Variants in AP2B1 observed in about 807,000 individuals in gnomAD.
AP2B1 encodes AP-2 complex subunit beta.
A neutral mutation model predicts 102.0 loss-of-function variants in AP2B1; 23 were observed. The observed-to-expected ratio is 0.23, with a 90% CI of 0.16 to 0.32. The LOEUF (loss-of-function observed/expected upper bound fraction) is 0.32. Ranked by LOEUF, AP2B1 falls within the 10% of genes least tolerant of loss-of-function variation. AP2B1 has a pLI of 1.00. For missense variants in AP2B1, 541 were observed against 1,157.4 expected, an observed-to-expected ratio of 0.47 and a Z score of 7.73; for synonymous variants, 381 against 421.2, an observed-to-expected ratio of 0.90 and a Z score of 1.17.
At chr17:35,623,842 G>A (rs1005050621) in intron 5 of AP2B1, among the ~76,000 whole-genome samples, 25 of 152,106 alleles carry the variant, frequency 1.6e-4, no homozygotes, top group African/African-American at 4.8e-4. Context: ...AAATTATCTC[G>A]TTTTCAGATG....
intron 1 of AP2B1, among the ~76,000 whole-genome samples, chr17:35,589,999 C>T (rs966215137): frequency 1.4e-5 from 2 of 147,026 alleles, no homozygotes; most frequent in African/African-American, 5.1e-5. Flanking sequence ...GATCTCGGCT[C>T]ACTGCAAGCT....
intron 13 of AP2B1, among the ~76,000 whole-genome samples, chr17:35,652,488 A>G (rs915642978): frequency 6.6e-6 from 1 of 152,154 alleles, no homozygotes; most frequent in Non-Finnish European, 1.5e-5. Flanking sequence ...TTACTTGGAT[A>G]TTGCTTACTA....
intron 5 of AP2B1, among the ~76,000 whole-genome samples, chr17:35,623,444 G>T (rs1297751793): frequency 6.6e-6 from 1 of 152,086 alleles, no homozygotes; most frequent in Non-Finnish European, 1.5e-5. Context: ...TGCACCTGTA[G>T]TCCCAGCTAC....
intron 5 of AP2B1, 25 bp downstream of exon 5, chr17:35,608,412 G>T (rs374850709): frequency 1.9e-6 from 3 of 1,613,004 alleles, no homozygotes; most frequent in Admixed American, 3.3e-5. Flanking sequence ...CTTTTACAAA[G>T]AGAGCAGTAT....
chr17:35,600,907 G>A lies in AP2B1; in HGVS notation c.143+2572G>A, dbSNP rs189289275. On this transcript the variant is annotated intron_variant, in intron 3 of 21. Transcript: ENST00000610402. The stretch of plus-strand genomic sequence containing the variant: ...AGCCCAGATAGAAATGGCAGCGTAG[G>A]AAATGACTCTGTATCTTCTCTTGCT... 2.0e-5 allele frequency: 14 copies of A among 712,086 alleles called. No homozygotes were observed. The African/African-American group carries it at 2.1e-4, about 11-fold the overall frequency. 44.1% of individuals were successfully genotyped at this position (712,086 alleles called of 1,614,324 possible). A position where few individuals can be genotyped will look rare whatever the true frequency, so the allele number is the denominator to read the frequency against.
intron 17 of AP2B1, among the ~76,000 whole-genome samples, chr17:35,677,615 AG>A (rs1204951529): frequency 6.6e-6 from 1 of 152,098 alleles, no homozygotes. Context: ...TGTAAATTTT[AG>A]AATCAGCTTG....
chr17:35,616,574 A>G (rs1248099338), intron 5 of AP2B1, among the ~76,000 whole-genome samples: 1 of 152,226 alleles, frequency 6.6e-6, no homozygotes, highest in Non-Finnish European at 1.5e-5. Flanking sequence ...TAATGTTAAC[A>G]TCTTACGTAA....
intron 1 of AP2B1, among the ~76,000 whole-genome samples, chr17:35,591,319 T>C (rs1025716478): frequency 6.6e-6 from 1 of 151,896 alleles, no homozygotes; most frequent in Non-Finnish European, 1.5e-5. Flanking sequence ...ACTACAGGCA[T>C]GTGCTACCAT....
chr17:35,593,700 A>G (rs150721558), intron 1 of AP2B1, among the ~76,000 whole-genome samples: 1,616 of 152,348 alleles, frequency 0.011, 23 homozygotes, highest in African/African-American at 0.029. Flanking sequence ...AGATATATTT[A>G]TAAAAAGGTC....
At chr17:35,639,455 A>G in intron 10 of AP2B1, 140 bp from the exon 11 acceptor site, 1 of 604,028 alleles carries the variant, frequency 1.7e-6, no homozygotes, top group South Asian at 2.6e-5. Flanking sequence ...CTTAAAACCT[A>G]TTCATTCTCT....
At chr17:35,649,276 TC>T (rs200961254) in intron 12 of AP2B1, among the ~76,000 whole-genome samples, 3,662 of 151,480 alleles carry the variant, frequency 0.024, 54 homozygotes, top group African/African-American at 0.04. Context: ...AAAAAAAATT[TC>T]TTTTTTTTGG....
intron 18 of AP2B1, among the ~76,000 whole-genome samples, chr17:35,697,835 G>A (rs763130960): frequency 5.9e-5 from 9 of 152,096 alleles, no homozygotes; most frequent in Non-Finnish European, 1.0e-4. Context: ...AGTGGCATGC[G>A]CCTGTAGTCC....
chr17:35,590,601 A>G (rs1384301258), intron 1 of AP2B1, among the ~76,000 whole-genome samples: 1 of 152,208 alleles, frequency 6.6e-6, no homozygotes, highest in African/African-American at 2.4e-5. Context: ...TGTTTACAAT[A>G]TGGTTACTAG....
At chr17:35,671,232 C>T (rs906300176) in intron 15 of AP2B1, among the ~76,000 whole-genome samples, 1 of 152,146 alleles carries the variant, frequency 6.6e-6, no homozygotes, top group Non-Finnish European at 1.5e-5. Flanking sequence ...TTGAGAGGGT[C>T]AGCTGGACTC....
At chr17:35,622,072 A>T (rs2074195140) in intron 5 of AP2B1, among the ~76,000 whole-genome samples, 1 of 152,208 alleles carries the variant, frequency 6.6e-6, no homozygotes, top group Admixed American at 6.5e-5. Flanking sequence ...TGTGAAGCAC[A>T]TGGAAGGGAT....
At chr17:35,712,668 G>A (rs74324437) in intron 20 of AP2B1, among the ~76,000 whole-genome samples, 9,559 of 152,164 alleles carry the variant, frequency 0.063, 416 homozygotes, top group Middle Eastern at 0.11. Context: ...AAGAAAAAAA[G>A]CGTTTTGTTA....
intron 18 of AP2B1, among the ~76,000 whole-genome samples, chr17:35,687,449 A>G (rs1310220629): frequency 6.6e-6 from 1 of 151,880 alleles, no homozygotes; most frequent in East Asian, 1.9e-4. Context: ...ATTCCTGTAC[A>G]TGTCCCCACT....
chr17:35,657,826 T>A, intron 14 of AP2B1, 35 bp downstream of exon 14: 1 of 1,586,372 alleles, frequency 6.3e-7, no homozygotes, highest in Non-Finnish European at 8.6e-7. Context: ...TTTTGGTTAT[T>A]TTTAGTTCTT....
At chr17:35,697,192 T>C (rs759315355) in intron 18 of AP2B1, among the ~76,000 whole-genome samples, 8 of 152,208 alleles carry the variant, frequency 5.3e-5, no homozygotes, top group African/African-American at 7.2e-5. Flanking sequence ...CACAAATTCA[T>C]TTTCTCTCAA....
Sources: gnomAD v4.1 joint callset for allele counts (sites outside exome capture counted in the v4.1 genomes callset) on GRCh38, gnomAD v4.1.1 for gene constraint, MANE v1.5 for transcripts, NCBI Gene and HGNC (gene_info 2026-07-23, HGNC 2026-07-21) for gene names.